The following FBXL13 variants were observed in gnomAD, a reference collection of about 807,000 sequenced individuals.
The protein encoded by FBXL13 is F-box and leucine-rich repeat protein 13.
FBXL13 carries 67 observed loss-of-function variants against 83.6 expected under a neutral mutation model. The observed-to-expected ratio is 0.80, with a 90% confidence interval of 0.66 to 0.98. The LOEUF is 0.98. Ranked by LOEUF, FBXL13 falls within the 50% of genes least tolerant of loss-of-function variation. The pLI is 0.00. For missense variants in FBXL13, 822 were observed against 866.5 expected (o/e 0.95, Z 0.64); for synonymous variants, 272 against 299.5 (o/e 0.91, Z 0.95).
At chr7:102,813,405 AGAT>A (rs761813127) in exon 20 of FBXL13, 4 of 1,614,126 alleles carry the variant, frequency 2.5e-6, no homozygotes, top group Non-Finnish European at 3.4e-6. Context: ...AGGCTCCTTT[AGAT>A]GATGTTATGT....
intron 19 of FBXL13, chr7:102,814,254 C>T (rs555458757): frequency 6.6e-6 from 1 of 152,082 alleles, no homozygotes; most frequent in African/African-American, 2.4e-5. Context: ...AGTAATTGAC[C>T]ACTTCTGTAC....
intron 10 of FBXL13, among the ~76,000 whole-genome samples, chr7:102,925,747 G>A (rs1164078798): frequency 6.6e-6 from 1 of 152,078 alleles, no homozygotes; most frequent in Non-Finnish European, 1.5e-5. Flanking sequence ...TTTGAGACCA[G>A]CCTGACCAAC....
At chr7:103,038,707 A>G (rs1795339418) in intron 2 of FBXL13, among the ~76,000 whole-genome samples, 1 of 152,222 alleles carries the variant, frequency 6.6e-6, no homozygotes, top group Non-Finnish European at 1.5e-5. Flanking sequence ...AGCAAACTCC[A>G]ACAGACTGGC....
At chr7:103,055,005 C>G in intron 2 of FBXL13, 83 bp downstream of exon 3, 1 of 844,158 alleles carries the variant, frequency 1.2e-6, no homozygotes, top group Non-Finnish European at 1.7e-6. Flanking sequence ...GACCTCACAC[C>G]TCCCATAAAT....
At chr7:102,999,321 C>T (rs576470984) in intron 6 of FBXL13, among the ~76,000 whole-genome samples, 2 of 152,158 alleles carry the variant, frequency 1.3e-5, no homozygotes, top group African/African-American at 4.8e-5. Flanking sequence ...ATTCTGTTTG[C>T]TAGTATTTTA....
exon 12 of FBXL13, chr7:102,884,239 G>T: frequency 6.2e-7 from 1 of 1,613,488 alleles, no homozygotes; most frequent in South Asian, 1.1e-5. Flanking sequence ...CGTCAGAGTT[G>T]GCATGTCATT....
intron 6 of FBXL13, among the ~76,000 whole-genome samples, chr7:103,007,088 G>T (rs1791069117): frequency 6.6e-6 from 1 of 152,046 alleles, no homozygotes; most frequent in South Asian, 2.1e-4. Context: ...GAAACTCAAT[G>T]ACCTATGGGA....
At chr7:102,962,053 T>C (rs942867232) in intron 8 of FBXL13, among the ~76,000 whole-genome samples, 3 of 150,792 alleles carry the variant, frequency 2.0e-5, no homozygotes, top group African/African-American at 4.9e-5. Flanking sequence ...ACAGGCAACC[T>C]ACAAAATGGG....
intron 6 of FBXL13, among the ~76,000 whole-genome samples, chr7:103,000,542 G>T (rs1790278591): frequency 6.6e-6 from 1 of 152,278 alleles, no homozygotes; most frequent in East Asian, 1.9e-4. Flanking sequence ...ACATGCTAAA[G>T]AAAACATTGT....
chr7:102,969,685 C>T (rs1826380184), intron 6 of FBXL13, among the ~76,000 whole-genome samples: 2 of 151,770 alleles, frequency 1.3e-5, no homozygotes, highest in Non-Finnish European at 2.9e-5. Flanking sequence ...GTAATCCCAG[C>T]TACTCGGGAG....
intron 6 of FBXL13, among the ~76,000 whole-genome samples, chr7:103,024,329 C>T (rs2129488055): frequency 6.6e-6 from 1 of 151,938 alleles, no homozygotes; most frequent in East Asian, 1.9e-4. Flanking sequence ...GAGTTTAAGA[C>T]CAGCCTGGCC....
At chr7:103,022,246 C>T (rs898666483) in intron 6 of FBXL13, among the ~76,000 whole-genome samples, 1 of 151,416 alleles carries the variant, frequency 6.6e-6, no homozygotes, top group African/African-American at 2.4e-5. Context: ...AACCAAACAC[C>T]GCATGTTCTT....
intron 11 of FBXL13, among the ~76,000 whole-genome samples, chr7:102,896,939 C>T (rs1435272220): frequency 2.6e-5 from 4 of 151,702 alleles, no homozygotes; most frequent in Non-Finnish European, 5.9e-5. Context: ...GATTTTTGGC[C>T]TAAGCATCTA....
At chr7:102,840,261 A>G (rs556148005) in intron 17 of FBXL13, among the ~76,000 whole-genome samples, 170 of 152,358 alleles carry the variant, frequency 1.1e-3, no homozygotes, top group Middle Eastern at 0.01. Context: ...GAACAGCTTC[A>G]GGTTTTAGAT....
At position 102,997,704 on chromosome 7, in the gene FBXL13, C is replaced by T. The variant is rs147433061; in HGVS notation, c.495+27359G>A. On this transcript the variant is annotated intron_variant, in intron 6 of 19. Transcript: ENST00000313221. ...TCTGTGCCTGGCTTATTTCACTTAA[C>T]ATAATGACCTTCAGTTCCATCCATA... Among the ~76,000 whole-genome samples, 372 of 152,280 alleles carry T rather than the reference C, an allele frequency of 2.4e-3. 4 individuals carry two copies. Among genetic ancestry groups the T allele is most frequent in the African/African-American group, 8.7e-3 (360 of 41,566 alleles).
At chr7:103,021,752 T>C (rs1346010577) in intron 6 of FBXL13, among the ~76,000 whole-genome samples, 2 of 152,142 alleles carry the variant, frequency 1.3e-5, no homozygotes, top group African/African-American at 4.8e-5. Context: ...TCCCTGGCCA[T>C]CAGAGAAATG....
chr7:103,052,448 T>TA (rs199518985), intron 2 of FBXL13, among the ~76,000 whole-genome samples: 86 of 148,716 alleles, frequency 5.8e-4, no homozygotes, highest in East Asian at 5.1e-3. Flanking sequence ...TGCTTCTTTG[T>TA]AAAAAAAAAA....
At chr7:102,934,478 T>C (rs551057116) in intron 8 of FBXL13, 6 of 1,614,180 alleles carry the variant, frequency 3.7e-6, no homozygotes, top group East Asian at 2.2e-5. Flanking sequence ...TTTGGGGAAC[T>C]ACGCCAAGTG....
intron 2 of FBXL13, 138 bp downstream of exon 2, chr7:103,055,506 T>C: frequency 5.5e-6 from 2 of 366,948 alleles, no homozygotes; most frequent in South Asian, 2.4e-5. Flanking sequence ...TCTTTGAAAC[T>C]GAAAAGCCTG....
Sources: allele counts gnomAD v4.1 joint callset (sites outside exome capture counted in the v4.1 genomes callset), GRCh38; gene constraint gnomAD v4.1.1; transcripts MANE v1.5; gene names NCBI Gene and HGNC (gene_info 2026-07-23, HGNC 2026-07-21).